The following LMO7 variants were observed in gnomAD, a reference collection of about 807,000 sequenced individuals.
LMO7 encodes LIM domain only protein 7.
A neutral mutation model predicts 206.5 loss-of-function variants in LMO7; 120 were observed. That is an observed-to-expected ratio of 0.58 (90% CI 0.50 to 0.68). LMO7 has a LOEUF of 0.68. LMO7 is among the 30% of genes least tolerant of loss of function. The probability of loss-of-function intolerance (pLI) is 0.00; values close to 1 mark genes in which losing one functional copy is unlikely to be tolerated. For synonymous variants in LMO7, 706 were observed against 681.5 expected (o/e 1.04, Z -0.56); for missense variants, 1,959 against 1,957.9 (o/e 1.00, Z -0.01).
At chr13:75,740,178 G>A (rs1189842669) in intron 3 of LMO7, among the ~76,000 whole-genome samples, 1 of 152,222 alleles carries the variant, frequency 6.6e-6, no homozygotes. Flanking sequence ...TGAAAGAGTG[G>A]TGATACAGAG....
chr13:75,848,467 C>CTATA (rs1470239682), intron 26 of LMO7, among the ~76,000 whole-genome samples: 1 of 152,080 alleles, frequency 6.6e-6, no homozygotes, highest in Non-Finnish European at 1.5e-5. Flanking sequence ...ATCTATCTAT[C>CTATA]TAACTATCTC....
chr13:75,710,783 C>T (rs563186015), intron 1 of LMO7, among the ~76,000 whole-genome samples: 77 of 152,090 alleles, frequency 5.1e-4, no homozygotes, highest in African/African-American at 1.8e-3. Flanking sequence ...AATTGAATGC[C>T]CTTTATTTCC....
chr13:75,786,377 C>CTTT (rs113210539), intron 4 of LMO7, among the ~76,000 whole-genome samples: 4 of 140,088 alleles, frequency 2.9e-5, no homozygotes, highest in African/African-American at 1.0e-4. Flanking sequence ...TTATTTTCTT[C>CTTT]TTTTTTTTTT....
intron 3 of LMO7, among the ~76,000 whole-genome samples, chr13:75,734,358 T>A (rs2045588761): frequency 6.6e-6 from 1 of 152,220 alleles, no homozygotes; most frequent in Non-Finnish European, 1.5e-5. Flanking sequence ...TAAAAATCAT[T>A]GCAATGATAG....
At chr13:75,794,164 T>C (rs2053664750) in intron 4 of LMO7, among the ~76,000 whole-genome samples, 1 of 152,242 alleles carries the variant, frequency 6.6e-6, no homozygotes, top group Non-Finnish European at 1.5e-5. Flanking sequence ...TTATGTTGGA[T>C]GTATACCTAG....
intron 1 of LMO7, among the ~76,000 whole-genome samples, chr13:75,685,890 C>CTTTTTTTTTTTTT (rs551370410): frequency 1.9e-5 from 2 of 105,974 alleles, no homozygotes; most frequent in African/African-American, 7.1e-5. Flanking sequence ...TTTTCTTTCT[C>CTTTTTTTTTTTTT]TTTTTTTTTT....
upstream of LMO7, among the ~76,000 whole-genome samples, chr13:75,634,879 G>A (rs1265135086): frequency 6.6e-6 from 1 of 151,946 alleles, no homozygotes; most frequent in African/African-American, 2.4e-5. Flanking sequence ...GGTGGTGGGC[G>A]CCTGTAATCC....
intron 4 of LMO7, among the ~76,000 whole-genome samples, chr13:75,770,428 T>C (rs920586539): frequency 6.6e-6 from 1 of 152,030 alleles, no homozygotes; most frequent in African/African-American, 2.4e-5. Flanking sequence ...GCCTTGTCAA[T>C]AGCATCCACT....
At chr13:75,622,859 C>G (rs1438178384) in intron 1 of LMO7, among the ~76,000 whole-genome samples, 1 of 152,154 alleles carries the variant, frequency 6.6e-6, no homozygotes, top group African/African-American at 2.4e-5. Flanking sequence ...ATAAACTTCT[C>G]TTAGGCCACT....
chr13:75,749,500 C>G (rs1251085874), intron 3 of LMO7, among the ~76,000 whole-genome samples: 1 of 152,218 alleles, frequency 6.6e-6, no homozygotes, highest in African/African-American at 2.4e-5. Context: ...TTGCCACAGC[C>G]TGTTACTGCT....
At chr13:75,809,044 T>G in intron 10 of LMO7, 110 bp from the exon 11 acceptor site, 18 of 805,184 alleles carry the variant, frequency 2.2e-5, no homozygotes, top group Non-Finnish European at 3.3e-5. Flanking sequence ...AGTGACCTTT[T>G]GAGATTTGTC....
chr13:75,700,465 C>G (rs1373744257), intron 1 of LMO7, among the ~76,000 whole-genome samples: 1 of 152,340 alleles, frequency 6.6e-6, no homozygotes, highest in East Asian at 1.9e-4. Context: ...CAGCTGGTCC[C>G]TCTGTTCAGG....
At chr13:75,760,518 T>G in intron 3 of LMO7, 1 of 1,272,356 alleles carries the variant, frequency 7.9e-7, no homozygotes, top group East Asian at 3.0e-5. Flanking sequence ...AGTTTCTGGG[T>G]GGGTGAATGT....
intron 1 of LMO7, among the ~76,000 whole-genome samples, chr13:75,643,505 AG>A (rs1749563805): frequency 6.6e-6 from 1 of 152,312 alleles, no homozygotes; most frequent in Middle Eastern, 3.4e-3. Flanking sequence ...TCCAATAAAA[AG>A]GTTGGCCTAT....
At position 75,684,263 on chromosome 13, in the gene LMO7, C is replaced by T. The variant is rs146207740; in HGVS notation, c.70-28919C>T. Among the ~76,000 whole-genome samples the T allele has an allele frequency of 2.4e-4, 36 of 152,250 alleles. No individual in the cohort carries two copies. In the East Asian group the frequency reaches 6.6e-3, roughly 28 times the overall value. On this transcript the variant is annotated intron_variant, in intron 1 of 30. Transcript: ENST00000377534. ...AATTTTTTTTCTTGAGATGCAGTTT[C>T]GCTCTTGTCTCCCAGGCTAGAGTGC...
chr13:75,719,312 T>C (rs185658488), intron 2 of LMO7, among the ~76,000 whole-genome samples: 1 of 152,306 alleles, frequency 6.6e-6, no homozygotes, highest in Non-Finnish European at 1.5e-5. Context: ...AATAACGTTC[T>C]ACTGTCTGGA....
chr13:75,736,960 A>G (rs1051989951), intron 3 of LMO7, among the ~76,000 whole-genome samples: 1 of 152,250 alleles, frequency 6.6e-6, no homozygotes, highest in African/African-American at 2.4e-5. Context: ...AATAGATTCT[A>G]GAATTGGGTC....
intron 1 of LMO7, among the ~76,000 whole-genome samples, chr13:75,652,089 T>A (rs983876780): frequency 6.6e-6 from 1 of 152,188 alleles, no homozygotes; most frequent in African/African-American, 2.4e-5. Context: ...TGCTTTTTTA[T>A]GATTGCAATA....
rs2057834742 is a variant in LMO7, at chr13:75,823,806, G to T, written c.2882G>T (p.Gly961Val). ...TSKATLSSTS[G>V]LDLMSESGEG... is the part of the protein sequence containing the mutation. ...AAAGCCACATTGTCTTCCACATCTG[G>T]TCTTGATTTAATGTCTGAATCTGGA... Residue 961 changes from glycine (G) to valine (V), a missense_variant, in exon 15 of 31, where the codon GGT (glycine) becomes GTT (valine). Coordinates refer to ENST00000377534, the MANE Select transcript of LMO7 (RefSeq NM_001306080.2). 1 of 1,614,076 alleles carries T rather than the reference G, an allele frequency of 6.2e-7. No individual in the cohort carries two copies. The highest frequency in any genetic ancestry group is 1.7e-5 in the Admixed American group (1 of 60,014).
Sources: allele counts gnomAD v4.1 joint callset (sites outside exome capture counted in the v4.1 genomes callset), GRCh38; gene constraint gnomAD v4.1.1; transcripts MANE v1.5; gene names NCBI Gene and HGNC (gene_info 2026-07-23, HGNC 2026-07-21).